The following MYO3A variants were observed in gnomAD, a reference collection of about 807,000 sequenced individuals.
MYO3A encodes the protein myosin IIIA, also known as myosin-IIIa.
MYO3A carries 180 observed loss-of-function variants against 192.7 expected under a neutral mutation model. The observed-to-expected ratio is 0.93, with a 90% CI of 0.83 to 1.06. The LOEUF is 1.06. Ranked by LOEUF, MYO3A falls within the 50% of genes least tolerant of loss-of-function variation. The pLI, the probability that MYO3A is intolerant of heterozygous loss-of-function variation, is 0.00. For missense variants in MYO3A, 1,896 were observed against 1,905.0 expected, an observed-to-expected ratio of 1.00 and a Z score of 0.09; for synonymous variants, 628 against 645.3, an observed-to-expected ratio of 0.97 and a Z score of 0.41.
chr10:26,120,849 A>G, intron 18 of MYO3A, 47 bp downstream of exon 18: 1 of 1,603,984 alleles, frequency 6.2e-7, no homozygotes, highest in Non-Finnish European at 8.5e-7. Context: ...TTCAAATCTT[A>G]TGACATACCA....
chr10:26,045,909 C>T (rs1458953268), intron 10 of MYO3A, among the ~76,000 whole-genome samples: 2 of 152,150 alleles, frequency 1.3e-5, no homozygotes, highest in African/African-American at 4.8e-5. Context: ...CCCAAGAGGA[C>T]AGGGTATGGA....
chr10:25,938,761 T>C (rs1836281427), intron 2 of MYO3A, among the ~76,000 whole-genome samples: 1 of 152,254 alleles, frequency 6.6e-6, no homozygotes, highest in Non-Finnish European at 1.5e-5. Flanking sequence ...ATGTTCTATA[T>C]CAATGAGGCA....
chr10:25,993,295 G>T (rs768506592), intron 4 of MYO3A, among the ~76,000 whole-genome samples: 4 of 152,106 alleles, frequency 2.6e-5, no homozygotes, highest in African/African-American at 7.2e-5. Context: ...ATTTATTTGC[G>T]TAGAGGTGTT....
intron 14 of MYO3A, among the ~76,000 whole-genome samples, chr10:26,078,709 CATT>C (rs942796487): frequency 3.3e-5 from 5 of 151,898 alleles, no homozygotes; most frequent in Non-Finnish European, 5.9e-5. Context: ...TAGGTTGTGT[CATT>C]GTTGTTCAGT....
Position 25,960,719 on chromosome 10 carries a change from A to C in MYO3A, c.303+5711A>C, listed in dbSNP as rs538826314. ...TGAATAGTCTGAGGAGGAGGAAGAA[A>C]AGGAGAGGATGATCTTGCTGTCTCA... On this transcript the variant is annotated intron_variant, in intron 4 of 34. Transcript: ENST00000642920. Among the ~76,000 whole-genome samples, 7 of 152,258 alleles carry C rather than the reference A, an allele frequency of 4.6e-5. No individual in the cohort carries two copies. The East Asian group carries it at 1.4e-3, about 29-fold the overall frequency.
chr10:25,961,942 T>C (rs1478622431), intron 4 of MYO3A, among the ~76,000 whole-genome samples: 1 of 152,126 alleles, frequency 6.6e-6, no homozygotes, highest in Non-Finnish European at 1.5e-5. Flanking sequence ...CAGAGAATCA[T>C]GTTAACAGTG....
At chr10:26,163,133 G>A (rs964041502) in intron 26 of MYO3A, among the ~76,000 whole-genome samples, 2 of 152,192 alleles carry the variant, frequency 1.3e-5, no homozygotes, top group Non-Finnish European at 2.9e-5. Flanking sequence ...TAGGGATATA[G>A]GAGGGCAGAA....
In MYO3A at chr10:26,125,500, A is replaced by G. The variant is rs374609833; in HGVS notation, c.2006A>G (p.Glu669Gly). 1.9e-6 allele frequency: 3 copies of G among 1,614,000 alleles called. No homozygotes were observed. The highest frequency in any genetic ancestry group is 2.7e-5 in the African/African-American group (2 of 74,938). ...ACAATTATACGACCCAATACTGTAG[A>G]AAAAGCTACCGATGTCAGGGATGCC... Reference protein sequence around the residue: ...GETIIRPNTVEKATDVRDAMA... With the variant: ...GETIIRPNTVGKATDVRDAMA... The change falls in exon 19 of 35, where the codon GAA (glutamate) becomes GGA (glycine). Residue 669 changes from glutamate to glycine, a missense_variant. Glu to Gly is a moderately conservative substitution (Grantham distance 98). Coordinates refer to ENST00000642920, the MANE Select transcript of MYO3A (RefSeq NM_017433.5).
At chr10:26,046,653 C>A (rs922750602) in intron 10 of MYO3A, among the ~76,000 whole-genome samples, 2 of 152,164 alleles carry the variant, frequency 1.3e-5, no homozygotes, top group Admixed American at 1.3e-4. Context: ...ATAGAGAACC[C>A]AGTAGAGTTA....
chr10:26,147,761 GGTAA>G (rs944042858), intron 23 of MYO3A, among the ~76,000 whole-genome samples: 2 of 152,134 alleles, frequency 1.3e-5, no homozygotes, highest in African/African-American at 4.8e-5. Flanking sequence ...TTTCATTAAA[GGTAA>G]GTGTTTGCAG....
At chr10:26,140,696 AAAAG>A (rs1206760828) in intron 20 of MYO3A, among the ~76,000 whole-genome samples, 6 of 151,992 alleles carry the variant, frequency 3.9e-5, no homozygotes, top group South Asian at 4.2e-4. Context: ...AAAAAAAAAA[AAAAG>A]AAGAAGAAAA....
At chr10:26,014,368 G>A (rs1458756147) in intron 6 of MYO3A, among the ~76,000 whole-genome samples, 1 of 152,018 alleles carries the variant, frequency 6.6e-6, no homozygotes, top group South Asian at 2.1e-4. Flanking sequence ...GTAGAACTAG[G>A]TTTTAAACTT....
intron 23 of MYO3A, among the ~76,000 whole-genome samples, chr10:26,151,473 T>C (rs1016974279): frequency 1.3e-5 from 2 of 152,040 alleles, no homozygotes; most frequent in African/African-American, 4.8e-5. Context: ...CTAATATTAA[T>C]ATAGAGACTC....
At chr10:26,111,942 C>T (rs1838209083) in intron 17 of MYO3A, among the ~76,000 whole-genome samples, 1 of 152,184 alleles carries the variant, frequency 6.6e-6, no homozygotes, top group African/African-American at 2.4e-5. Flanking sequence ...CTGCTTCTTA[C>T]ACATTCACTT....
intron 14 of MYO3A, among the ~76,000 whole-genome samples, chr10:26,081,446 TAG>T (rs1440157345): frequency 1.3e-5 from 2 of 151,940 alleles, no homozygotes; most frequent in Admixed American, 1.3e-4. Flanking sequence ...CATTTCTAGG[TAG>T]AGGGTGAAAA....
chr10:26,000,482 G>A (rs1219783432), intron 6 of MYO3A, among the ~76,000 whole-genome samples: 4 of 152,190 alleles, frequency 2.6e-5, no homozygotes, highest in Non-Finnish European at 4.4e-5. Context: ...TCAGTTTTTA[G>A]CATTCAAAAA....
intron 34 of MYO3A, among the ~76,000 whole-genome samples, chr10:26,205,565 G>T (rs1453128863): frequency 6.8e-6 from 1 of 146,752 alleles, no homozygotes; most frequent in African/African-American, 2.5e-5. Flanking sequence ...CTGTCCTCCA[G>T]GTTCACTCGT....
At chr10:25,937,337 T>G (rs1362738417) in intron 2 of MYO3A, among the ~76,000 whole-genome samples, 3 of 152,244 alleles carry the variant, frequency 2.0e-5, no homozygotes, top group Admixed American at 1.3e-4. Flanking sequence ...CTGCAGACAT[T>G]TGAGTTTGTG....
At chr10:25,977,456 C>T (rs761485082) in intron 4 of MYO3A, among the ~76,000 whole-genome samples, 17 of 152,114 alleles carry the variant, frequency 1.1e-4, no homozygotes, top group Non-Finnish European at 1.8e-4. Context: ...ATGTGAGCCT[C>T]ACCTAGTGGT....
Sources: allele counts gnomAD v4.1 joint callset (sites outside exome capture counted in the v4.1 genomes callset), GRCh38; gene constraint gnomAD v4.1.1; transcripts MANE v1.5; gene names NCBI Gene and HGNC (gene_info 2026-07-23, HGNC 2026-07-21).